Variants in DZIP3 observed in about 807,000 individuals in gnomAD.
The protein encoded by DZIP3 is E3 ubiquitin-protein ligase DZIP3.
Under a neutral mutation model 162.0 loss-of-function variants are expected in DZIP3, and 118 were observed. That is an observed-to-expected ratio of 0.73 (90% CI 0.63 to 0.85). The LOEUF (loss-of-function observed/expected upper bound fraction) is 0.85. DZIP3 is among the 40% of genes least tolerant of loss of function. The pLI, the probability that DZIP3 is intolerant of heterozygous loss-of-function variation, is 0.00. For synonymous variants in DZIP3, 438 were observed against 458.6 expected, an observed-to-expected ratio of 0.96 and a Z score of 0.57; for missense variants, 1,331 against 1,407.0, an observed-to-expected ratio of 0.95 and a Z score of 0.86.
In DZIP3 at chr3:108,605,425, G is replaced by C. The variant is rs777221116; in HGVS notation, c.19G>C (p.Glu7Gln). Residue 7 changes from glutamate (E) to glutamine (Q), a missense_variant, in exon 2 of 33, where the codon GAA becomes CAA. Glu to Gln is a conservative substitution (Grantham distance 29). This residue lies in a region of DZIP3 where 1,278 missense variants were observed against 1,317.1 expected (regional missense o/e 0.97). Transcript: ENST00000361582. ...GTGCAGCATGGATTCTCTACCAGAT[G>C]AATTTTTTGTGAGGTAAGGCCACAG... MDSLPD[E>Q]FFVRHPAVED... The C allele has an allele frequency of 4.3e-6, 7 of 1,613,316 alleles. No individual in the cohort carries two copies. The highest frequency in any genetic ancestry group is 5.9e-6 in the Non-Finnish European group (7 of 1,179,662).
intron 2 of DZIP3, 75 bp downstream of exon 2, chr3:108,605,513 G>GCA (rs1024139103): frequency 6.7e-7 from 1 of 1,492,770 alleles, no homozygotes; most frequent in African/African-American, 1.4e-5. Flanking sequence ...CGGATGGTGG[G>GCA]GGTGCGGGGA....
intron 7 of DZIP3, among the ~76,000 whole-genome samples, chr3:108,626,197 C>T (rs1298089791): frequency 1.3e-5 from 2 of 152,192 alleles, no homozygotes; most frequent in African/African-American, 4.8e-5. Flanking sequence ...ACATTAGGAG[C>T]ATAGGCTTTA....
intron 19 of DZIP3, among the ~76,000 whole-genome samples, chr3:108,659,245 A>G (rs978448500): frequency 1.3e-5 from 2 of 152,204 alleles, no homozygotes; most frequent in Non-Finnish European, 2.9e-5. Flanking sequence ...AATCCTCAAT[A>G]AAATACTGGC....
intron 5 of DZIP3, among the ~76,000 whole-genome samples, chr3:108,619,102 A>AT (rs1335044375): frequency 6.8e-6 from 1 of 146,008 alleles, no homozygotes; most frequent in Non-Finnish European, 1.5e-5. Context: ...CTTATATCCT[A>AT]TGGGTATTTA....
Position 108,672,606 on chromosome 3 carries a change from AC to A in DZIP3, c.2540del (p.Thr847AsnfsTer3). The A allele has an allele frequency of 6.2e-7, 1 of 1,612,190 alleles. No individual in the cohort carries two copies. The highest frequency in any genetic ancestry group is 8.5e-7 in the Non-Finnish European group (1 of 1,178,748). On this transcript the variant is annotated frameshift_variant, in exon 23 of 33. Transcript: ENST00000361582. LOFTEE classifies it high-confidence loss of function. ...ACATAATCTGGAAAGCACAATGAAA[AC>A]ATACGTAAGCAAACTGAACGCAGAA... ...EKHNLESTMK[T>X]YVSKLNAETS...
Position 108,648,074 on chromosome 3 carries a change from A to G in DZIP3, c.1924A>G (p.Ser642Gly). The G allele has an allele frequency of 6.2e-7, 1 of 1,607,482 alleles. No individual in the cohort carries two copies. Among genetic ancestry groups the G allele is most frequent in the Non-Finnish European group, 8.5e-7 (1 of 1,177,884 alleles). ...EINKDGTSIP[S>G]ESSTESLKDL... is the part of the protein sequence containing the mutation. Reference sequence around the variant, plus strand: ...TAATAAAGATGGGACCTCAATACCCAGTGAATCTTCAACAGAATCTCTTAA... The same window carrying G: ...TAATAAAGATGGGACCTCAATACCCGGTGAATCTTCAACAGAATCTCTTAA... Residue 642 changes from serine to glycine, a missense_variant, in exon 16 of 33, where the codon AGT becomes GGT. By Grantham distance (56) the Ser-to-Gly change is moderately conservative. Transcript: ENST00000361582.
chr3:108,607,715 ATC>A (rs1940458289), intron 2 of DZIP3, among the ~76,000 whole-genome samples: 1 of 152,138 alleles, frequency 6.6e-6, no homozygotes, highest in South Asian at 2.1e-4. Flanking sequence ...TTTAAGATAG[ATC>A]TCTCCCTAAC....
intron 5 of DZIP3, among the ~76,000 whole-genome samples, chr3:108,619,754 A>C (rs1941227557): frequency 6.6e-6 from 1 of 152,192 alleles, no homozygotes; most frequent in African/African-American, 2.4e-5. Flanking sequence ...AGACACACCC[A>C]GAAACAATAT....
At chr3:108,632,341 G>T (rs1424879218) in intron 8 of DZIP3, among the ~76,000 whole-genome samples, 1 of 152,182 alleles carries the variant, frequency 6.6e-6, no homozygotes, top group African/African-American at 2.4e-5. Context: ...CTGGGCTCAA[G>T]CAGTCTCCCT....
intron 21 of DZIP3, among the ~76,000 whole-genome samples, chr3:108,666,724 C>T (rs976185060): frequency 6.6e-6 from 1 of 152,048 alleles, no homozygotes; most frequent in Non-Finnish European, 1.5e-5. Flanking sequence ...TCAAATTAAA[C>T]ATCAGTAACG....
chr3:108,619,190 G>A (rs536807224), intron 5 of DZIP3, among the ~76,000 whole-genome samples: 23 of 151,936 alleles, frequency 1.5e-4, no homozygotes, highest in Non-Finnish European at 1.5e-4. Flanking sequence ...ACAAAAGATA[G>A]GGTTATAATC....
chr3:108,620,973 C>T (rs1311113284), intron 5 of DZIP3, among the ~76,000 whole-genome samples: 1 of 152,126 alleles, frequency 6.6e-6, no homozygotes, highest in Non-Finnish European at 1.5e-5. Flanking sequence ...AGGCGCGTGC[C>T]ACCACGCCTG....
intron 1 of DZIP3, among the ~76,000 whole-genome samples, chr3:108,602,164 T>C (rs1940056948): frequency 6.6e-6 from 1 of 152,164 alleles, no homozygotes; most frequent in Non-Finnish European, 1.5e-5. Context: ...AAGGTGATAG[T>C]AACACAAGTT....
At chr3:108,643,492 G>C (rs1408993427) in intron 13 of DZIP3, among the ~76,000 whole-genome samples, 2 of 151,762 alleles carry the variant, frequency 1.3e-5, no homozygotes, top group Non-Finnish European at 2.9e-5. Flanking sequence ...GCCTGAGACT[G>C]TGCTTTCCTA....
upstream of DZIP3, chr3:108,589,606 C>A (rs1939257995): frequency 2.5e-6 from 1 of 399,688 alleles, no homozygotes; most frequent in Non-Finnish European, 4.5e-6. Context: ...TGGGAGCTGC[C>A]CCCGCTAACC....
At chr3:108,654,430 G>A (rs773113484) in intron 19 of DZIP3, 120 bp downstream of exon 19, 4 of 1,123,194 alleles carry the variant, frequency 3.6e-6, no homozygotes, top group African/African-American at 1.5e-5. Context: ...TGAGGAGAAA[G>A]AGAAAAGCAT....
chr3:108,677,551 T>G lies in DZIP3; in HGVS notation c.2836T>G (p.Leu946Val). The change falls in exon 26 of 33, where the codon TTG (leucine) becomes GTG (valine). Residue 946 changes from leucine to valine, a missense_variant. Coordinates refer to ENST00000361582, the MANE Select transcript of DZIP3 (RefSeq NM_014648.4). The stretch of plus-strand genomic sequence containing the variant: ...CAAGCAAGGATTTGCCTTGAGTACC[T>G]TGCCTCCAGTCCAGCTTCCTCCTCC... ...KVKQGFALST[L>V]PPVQLPPPPP... is the part of the protein sequence containing the mutation. 3 of 1,612,778 alleles carry G rather than the reference T, an allele frequency of 1.9e-6. No homozygotes were observed. Among genetic ancestry groups the G allele is most frequent in the Non-Finnish European group, 2.5e-6 (3 of 1,179,076 alleles).
intron 16 of DZIP3, chr3:108,648,642 C>G (rs944580746): frequency 5.2e-6 from 1 of 190,822 alleles, no homozygotes; most frequent in South Asian, 1.0e-4. Context: ...TTGTTACATC[C>G]ATGTGTGTAA....
chr3:108,611,363 G>T, intron 4 of DZIP3, 34 bp downstream of exon 4: 1 of 1,607,144 alleles, frequency 6.2e-7, no homozygotes, highest in East Asian at 2.2e-5. Context: ...GGGCAGAAGT[G>T]CAGCTGTCTG....
Sources: allele counts gnomAD v4.1 joint callset (sites outside exome capture counted in the v4.1 genomes callset), GRCh38; gene constraint gnomAD v4.1.1; regional missense constraint gnomAD v4.1.1; transcripts MANE v1.5; gene names NCBI Gene and HGNC (gene_info 2026-07-23, HGNC 2026-07-21).